GNAZ: variants seen among roughly 807,000 people sequenced by gnomAD.
The protein encoded by GNAZ is guanine nucleotide-binding protein G(z) subunit alpha.
Under a neutral mutation model 25.4 loss-of-function variants are expected in GNAZ, and 3 were observed. That is an observed-to-expected ratio of 0.12 (90% CI 0.05 to 0.30). The LOEUF (loss-of-function observed/expected upper bound fraction) is 0.30. Among genes scored for constraint, GNAZ ranks in the 10% least tolerant of loss-of-function variants. The pLI, the probability that GNAZ is intolerant of heterozygous loss-of-function variation, is 1.00. For missense variants in GNAZ, 241 were observed against 501.8 expected, an observed-to-expected ratio of 0.48 and a Z score of 4.97; for synonymous variants, 211 against 205.7, an observed-to-expected ratio of 1.03 and a Z score of -0.22.
In GNAZ at chr22:23,123,550, C is replaced by T. The variant is rs1396598889; in HGVS notation, c.*119C>T. On this transcript the variant is annotated 3_prime_UTR_variant, in exon 3 of 3. Coordinates refer to ENST00000615612, the MANE Select transcript of GNAZ (RefSeq NM_002073.4). ...CAGGGGGCCTAAAGAATGTCCCCCACCCCTTGGCCTCTGCCTCCTTGGCCC... is the reference window on the plus strand; with the variant it reads ...CAGGGGGCCTAAAGAATGTCCCCCATCCCTTGGCCTCTGCCTCCTTGGCCC... 3.1e-6 allele frequency: 2 copies of T among 641,626 alleles called. No individual in the cohort carries two copies. Among genetic ancestry groups the T allele is most frequent in the Admixed American group, 2.9e-5 (1 of 34,568 alleles). 39.7% of individuals were successfully genotyped at this position (641,626 alleles called of 1,614,324 possible).
chr22:23,087,184 G>C (rs1040305866), intron 1 of GNAZ, among the ~76,000 whole-genome samples: 4 of 152,236 alleles, frequency 2.6e-5, no homozygotes, highest in African/African-American at 7.2e-5. Flanking sequence ...AGAGATGATA[G>C]AATGAGCATG....
chr22:23,076,108 G>GC (rs559228674), intron 1 of GNAZ, among the ~76,000 whole-genome samples: 162 of 152,344 alleles, frequency 1.1e-3, no homozygotes, highest in African/African-American at 3.7e-3. Context: ...GTGAGGGCTG[G>GC]CTCTTAGGCT....
At chr22:23,081,446 C>A (rs2068674744) in intron 1 of GNAZ, among the ~76,000 whole-genome samples, 1 of 152,180 alleles carries the variant, frequency 6.6e-6, no homozygotes, top group Non-Finnish European at 1.5e-5. Context: ...AGTAGATCAG[C>A]CAGCCAGCAG....
intron 1 of GNAZ, among the ~76,000 whole-genome samples, chr22:23,081,063 G>C (rs2068663623): frequency 6.6e-6 from 1 of 152,182 alleles, no homozygotes; most frequent in African/African-American, 2.4e-5. Flanking sequence ...GTAAACTGGT[G>C]GGCTGTGACT....
At chr22:23,081,563 T>C (rs887816576) in intron 1 of GNAZ, among the ~76,000 whole-genome samples, 2 of 151,036 alleles carry the variant, frequency 1.3e-5, no homozygotes, top group African/African-American at 5.0e-5. Flanking sequence ...GGTTCATGCC[T>C]GTAATCCCAG....
intron 2 of GNAZ, among the ~76,000 whole-genome samples, chr22:23,106,708 C>A (rs2069489593): frequency 6.6e-6 from 1 of 152,240 alleles, no homozygotes; most frequent in African/African-American, 2.4e-5. Flanking sequence ...GTTGGCAGAG[C>A]CTGGCGCAGG....
chr22:23,120,028 C>T (rs2069966962), intron 2 of GNAZ, among the ~76,000 whole-genome samples: 1 of 152,158 alleles, frequency 6.6e-6, no homozygotes, highest in Non-Finnish European at 1.5e-5. Context: ...AGGGAAGGGC[C>T]CACACTCGGG....
intron 2 of GNAZ, among the ~76,000 whole-genome samples, chr22:23,102,608 CA>C (rs1296307570): frequency 1.3e-5 from 2 of 152,226 alleles, no homozygotes; most frequent in Non-Finnish European, 1.5e-5. Context: ...GGGCTGCCCC[CA>C]CACCTGCTCT....
chr22:23,080,987 C>T (rs371567264), intron 1 of GNAZ, among the ~76,000 whole-genome samples: 3 of 152,298 alleles, frequency 2.0e-5, no homozygotes, highest in South Asian at 4.1e-4. Flanking sequence ...CCTTTGAGTC[C>T]GTTGTGATTG....
intron 1 of GNAZ, among the ~76,000 whole-genome samples, chr22:23,086,715 A>T (rs1164417389): frequency 6.6e-6 from 1 of 152,240 alleles, no homozygotes; most frequent in Non-Finnish European, 1.5e-5. Flanking sequence ...AGGACACTGG[A>T]CCATGACCAG....
intron 1 of GNAZ, among the ~76,000 whole-genome samples, chr22:23,084,633 T>C (rs2068768036): frequency 6.6e-6 from 1 of 152,212 alleles, no homozygotes; most frequent in South Asian, 2.1e-4. Context: ...CATTTTTGCC[T>C]TCATCCCCAC....
At chr22:23,088,467 C>A (rs1026692726) in intron 1 of GNAZ, among the ~76,000 whole-genome samples, 1 of 152,198 alleles carries the variant, frequency 6.6e-6, no homozygotes, top group African/African-American at 2.4e-5. Context: ...ACAGGAGCCG[C>A]GGCTGCCTGG....
chr22:23,089,630 A>T (rs2068908804), intron 1 of GNAZ, among the ~76,000 whole-genome samples: 1 of 152,086 alleles, frequency 6.6e-6, no homozygotes. Flanking sequence ...CAGACTTGAG[A>T]GGGCCACGTC....
At chr22:23,102,083 G>C (rs972796088) in intron 2 of GNAZ, among the ~76,000 whole-genome samples, 17 of 152,338 alleles carry the variant, frequency 1.1e-4, no homozygotes, top group African/African-American at 4.1e-4. Context: ...CAACACTTGT[G>C]AACAGCCCCT....
intron 1 of GNAZ, among the ~76,000 whole-genome samples, chr22:23,077,448 G>T (rs975367671): frequency 6.6e-6 from 1 of 152,192 alleles, no homozygotes; most frequent in Non-Finnish European, 1.5e-5. Context: ...CACTCTACAA[G>T]GCCGGGAGCC....
intron 2 of GNAZ, among the ~76,000 whole-genome samples, chr22:23,121,720 CTT>C (rs10598505): frequency 0.44 from 53,289 of 122,284 alleles, 10,600 homozygotes; most frequent in Middle Eastern, 0.52. Flanking sequence ...AGAAAAGTTC[CTT>C]TTTTTTTTTT....
At chr22:23,101,390 C>A (rs2069300290) in intron 2 of GNAZ, among the ~76,000 whole-genome samples, 1 of 152,318 alleles carries the variant, frequency 6.6e-6, no homozygotes, top group Non-Finnish European at 1.5e-5. Flanking sequence ...CTGGGTTCCA[C>A]CCTTGGAGCT....
At chr22:23,088,702 A>G (rs79581211) in intron 1 of GNAZ, among the ~76,000 whole-genome samples, 3,197 of 152,328 alleles carry the variant, frequency 0.021, 48 homozygotes, top group Non-Finnish European at 0.031. Flanking sequence ...AGCCTGGGAC[A>G]GTGGACACCA....
chr22:23,113,686 A>G (rs1292411958), intron 2 of GNAZ, among the ~76,000 whole-genome samples: 1 of 152,230 alleles, frequency 6.6e-6, no homozygotes, highest in African/African-American at 2.4e-5. Context: ...TACACCTGCC[A>G]GGACCTCGGC....
Sources: allele counts gnomAD v4.1 joint callset (sites outside exome capture counted in the v4.1 genomes callset), GRCh38; gene constraint gnomAD v4.1.1; transcripts MANE v1.5; gene names NCBI Gene and HGNC (gene_info 2026-07-23, HGNC 2026-07-21).